The following KRT79 variants were observed in gnomAD, a reference collection of about 807,000 sequenced individuals.
KRT79 encodes keratin, type II cytoskeletal 79.
Under a neutral mutation model 49.0 loss-of-function variants are expected in KRT79, and 51 were observed. The ratio of observed to expected loss-of-function variants is 1.04; its 90% CI spans 0.83 to 1.31. The LOEUF (loss-of-function observed/expected upper bound fraction) is 1.31. Ranked by LOEUF, KRT79 falls within the 40% of genes most tolerant of loss-of-function variation. The pLI is 0.00. For missense variants in KRT79, 728 were observed against 688.0 expected, an observed-to-expected ratio of 1.06 and a Z score of -0.65; for synonymous variants, 312 against 286.6, an observed-to-expected ratio of 1.09 and a Z score of -0.90.
chr12:52,834,036 C>T lies in KRT79; in HGVS notation c.225G>A (p.Val75=), dbSNP rs1592320136. 1.2e-6 allele frequency: 2 copies of T among 1,613,446 alleles called. No homozygotes were observed. The change falls in exon 1 of 9, where the codon GTG becomes GTA. Residue 75 remains valine (V), a synonymous_variant. Transcript: ENST00000330553. The stretch of plus-strand genomic sequence containing the variant: ...CCCGCCCCAACAAGGCCCCTCCGGC[C>T]ACACTGACAGAGATACTCTTGTGGC... ...LGGHKSISVS[V]AGGALLGRAL...
At chr12:52,827,179 G>C (rs1481565008) in intron 4 of KRT79, among the ~76,000 whole-genome samples, 3 of 152,076 alleles carry the variant, frequency 2.0e-5, no homozygotes, top group Admixed American at 1.3e-4. Context: ...ATCCAACTCA[G>C]AAGTCACCTC....
At position 52,833,789 on chromosome 12, in the gene KRT79, C is replaced by T. The variant is rs575190754; in HGVS notation, c.472G>A (p.Asp158Asn). Residue 158 changes from aspartate to asparagine, a missense_variant, in exon 1 of 9, where the codon GAC becomes AAC. Transcript: ENST00000330553. ...TLNNKFASFI[D>N]KVRFLEQQNK... Reference sequence around the variant, plus strand: ...CTCCTTCCTGCTTGGCCCACCTTGTCGATGAAGGAGGCGAACTTGTTGTTG... The same window carrying T: ...CTCCTTCCTGCTTGGCCCACCTTGTTGATGAAGGAGGCGAACTTGTTGTTG... 2.4e-4 allele frequency: 381 copies of T among 1,613,196 alleles called. 3 individuals carry two copies. In the East Asian group the frequency reaches 7.0e-3, roughly 30 times the overall value.
intron 5 of KRT79, 69 bp from the exon 6 acceptor site, chr12:52,824,081 T>C (rs905304933): frequency 7.4e-6 from 12 of 1,612,862 alleles, no homozygotes; most frequent in Non-Finnish European, 1.0e-5. Flanking sequence ...GGAGGCCCCA[T>C]GCAAGTTGAG....
intron 5 of KRT79, 63 bp downstream of exon 5, chr12:52,824,135 C>A (rs1248088847): frequency 6.2e-7 from 1 of 1,612,888 alleles, no homozygotes; most frequent in African/African-American, 1.3e-5. Flanking sequence ...AGGCCCAAGC[C>A]TCTCACGATG....
At chr12:52,826,221 T>C (rs927896545) in intron 4 of KRT79, among the ~76,000 whole-genome samples, 8 of 152,178 alleles carry the variant, frequency 5.3e-5, no homozygotes, top group Admixed American at 4.6e-4. Flanking sequence ...GATGAGGTGA[T>C]GCAATGGTCT....
chr12:52,834,115 T>G lies in KRT79; in HGVS notation c.146A>C (p.His49Pro). Residue 49 changes from histidine to proline, a missense_variant, in exon 1 of 9, where the codon CAC (histidine) becomes CCC (proline). Transcript: ENST00000330553. ...SRSSGSGGGA[H>P]CGPGTGGFGS... is the part of the protein sequence containing the mutation. The stretch of plus-strand genomic sequence containing the variant: ...AAAGCCACCTGTGCCGGGGCCACAG[T>G]GGGCCCCGCCACCACTGCCACTGCT... 6.2e-7 allele frequency: 1 copy of G among 1,612,922 alleles called. No individual in the cohort carries two copies. Among genetic ancestry groups the G allele is most frequent in the African/African-American group, 1.3e-5 (1 of 74,978 alleles).
intron 4 of KRT79, among the ~76,000 whole-genome samples, chr12:52,829,374 T>C (rs1382447811): frequency 6.6e-6 from 1 of 152,156 alleles, no homozygotes; most frequent in Non-Finnish European, 1.5e-5. Flanking sequence ...GAGGGCAATA[T>C]AACAGTGGTA....
At chr12:52,830,997 G>A (rs1940245249) in intron 2 of KRT79, among the ~76,000 whole-genome samples, 1 of 152,054 alleles carries the variant, frequency 6.6e-6, no homozygotes, top group South Asian at 2.1e-4. Context: ...TAAAATATTA[G>A]TGAATGAAAT....
Position 52,830,120 on chromosome 12 carries a change from T to A in KRT79, c.760-2A>T. On this transcript the variant is annotated splice_acceptor_variant, in intron 3 of 8. Coordinates refer to ENST00000330553, the MANE Select transcript of KRT79 (RefSeq NM_175834.3). LOFTEE classifies it high-confidence loss of function. ...GCCCATGTATGCTGCATCCACATCCTGGGGACGAGAGAGCAAGACAGATCC... is the reference window on the plus strand; with the variant it reads ...GCCCATGTATGCTGCATCCACATCCAGGGGACGAGAGAGCAAGACAGATCC... 1 of 1,614,122 alleles carries A rather than the reference T, an allele frequency of 6.2e-7. No individual in the cohort carries two copies. The highest frequency in any genetic ancestry group is 2.2e-5 in the East Asian group (1 of 44,868).
At position 52,824,280 on chromosome 12, in the gene KRT79, C is replaced by A. The variant is rs770475249; in HGVS notation, c.938G>T (p.Ser313Ile). 5 of 1,614,236 alleles carry A rather than the reference C, an allele frequency of 3.1e-6. No homozygotes were observed. Residue 313 changes from serine (S) to isoleucine (I), a missense_variant, in exon 5 of 9, where the codon AGC becomes ATC. Transcript: ENST00000330553. ...CTGGGCCTTGACCTCGGCGATGATG[C>A]TGTCCAGGTCCAGGTTGCGGTTGTT... ...MDNNRNLDLD[S>I]IIAEVKAQYE...
In KRT79 at chr12:52,823,914, C is replaced by T. The variant is rs758446879; in HGVS notation, c.1119G>A (p.Gln373=). ...GCTTCTTGGCTGCATCAGCCTCCCC[C>T]TGCAGCCTCTGGATAGTGCGGGTGA... ...AELTRTIQRL[Q]GEADAAKKQC... is the part of the protein sequence containing the mutation. Residue 373 remains glutamine (Q), a synonymous_variant, in exon 6 of 9, where the codon CAG becomes CAA. Coordinates refer to ENST00000330553, the MANE Select transcript of KRT79 (RefSeq NM_175834.3). 1.9e-6 allele frequency: 3 copies of T among 1,613,946 alleles called. No individual in the cohort carries two copies. The highest frequency in any genetic ancestry group is 2.5e-6 in the Non-Finnish European group (3 of 1,179,984).
In KRT79 at chr12:52,833,963, C is replaced by T. The variant is rs1940295654; in HGVS notation, c.298G>A (p.Ala100Thr). 2 of 1,612,820 alleles carry T rather than the reference C, an allele frequency of 1.2e-6. No homozygotes were observed. The highest frequency in any genetic ancestry group is 1.7e-6 in the Non-Finnish European group (2 of 1,179,276). ...FGSRAFMGQG[A>T]GRQTFGPACP... ...GCAGGCCCAAACGTCTGCCTGCCAG[C>T]CCCCTGTCCCATAAATGCCCTGCTG... Residue 100 changes from alanine to threonine, a missense_variant, in exon 1 of 9, where the codon GCT (alanine) becomes ACT (threonine). Ala to Thr is a moderately conservative substitution (Grantham distance 58). Transcript: ENST00000330553.
intron 2 of KRT79, among the ~76,000 whole-genome samples, chr12:52,831,055 C>T (rs1249214084): frequency 4.0e-5 from 6 of 150,222 alleles, no homozygotes; most frequent in South Asian, 4.2e-4. Flanking sequence ...AATCAGAACA[C>T]GTAGAAAAAG....
At chr12:52,822,970 G>A (rs1321752746) in intron 7 of KRT79, 46 bp downstream of exon 7, 1 of 1,588,328 alleles carries the variant, frequency 6.3e-7, no homozygotes, top group Non-Finnish European at 8.6e-7. Context: ...TCTCCCCCAG[G>A]GCAGGCCCGA....
At chr12:52,828,585 A>G (rs1940207393) in intron 4 of KRT79, among the ~76,000 whole-genome samples, 1 of 152,234 alleles carries the variant, frequency 6.6e-6, no homozygotes, top group Non-Finnish European at 1.5e-5. Flanking sequence ...TTCATAGGAA[A>G]GAAAGGGAAT....
Position 52,834,281 on chromosome 12 carries a change from G to T in KRT79, c.-21C>A, listed in dbSNP as rs1446915514. 1 of 1,593,150 alleles carries T rather than the reference G, an allele frequency of 6.3e-7. No homozygotes were observed. The stretch of plus-strand genomic sequence containing the variant: ...CTCATAGCTGCAGAGGGGCCGGAGG[G>T]CAGGATGAGAGGGCAGGAAGGGAGT... On this transcript the variant is annotated 5_prime_UTR_variant, in exon 1 of 9. Coordinates refer to ENST00000330553, the MANE Select transcript of KRT79 (RefSeq NM_175834.3).
At chr12:52,824,809 A>G (rs1490939373) in intron 4 of KRT79, among the ~76,000 whole-genome samples, 1 of 152,176 alleles carries the variant, frequency 6.6e-6, no homozygotes, top group Non-Finnish European at 1.5e-5. Context: ...CACCAACTGC[A>G]CCACCATCCA....
chr12:52,823,061 A>G lies in KRT79; in HGVS notation c.1322T>C (p.Val441Ala). The G allele has an allele frequency of 6.2e-7, 1 of 1,614,116 alleles. No individual in the cohort carries two copies. Among genetic ancestry groups the G allele is most frequent in the Non-Finnish European group, 8.5e-7 (1 of 1,180,002 alleles). Reference sequence around the variant, plus strand: ...AAGCTTGCGGTAGGTGGCAATCTCCACGTCCAGGGCCAGCTTGACATTCAT... The same window carrying G: ...AAGCTTGCGGTAGGTGGCAATCTCCGCGTCCAGGGCCAGCTTGACATTCAT... ...ELMNVKLALD[V>A]EIATYRKLLE... Residue 441 changes from valine (V) to alanine (A), a missense_variant, in exon 7 of 9, where the codon GTG becomes GCG. Transcript: ENST00000330553.
chr12:52,829,026 G>A (rs1006941490), intron 4 of KRT79, among the ~76,000 whole-genome samples: 1 of 152,172 alleles, frequency 6.6e-6, no homozygotes, highest in Non-Finnish European at 1.5e-5. Context: ...GGTAATGCCT[G>A]CCCTAAAAAG....
Sources: allele counts gnomAD v4.1 joint callset (sites outside exome capture counted in the v4.1 genomes callset), GRCh38; gene constraint gnomAD v4.1.1; transcripts MANE v1.5; gene names NCBI Gene and HGNC (gene_info 2026-07-23, HGNC 2026-07-21).